Variants in PRUNE2 observed in about 807,000 individuals in gnomAD.
PRUNE2 encodes protein prune homolog 2.
Under a neutral mutation model 252.0 loss-of-function variants are expected in PRUNE2, and 164 were observed. The ratio of observed to expected loss-of-function variants is 0.65; its 90% CI spans 0.57 to 0.74. The LOEUF is 0.74. Ranked by LOEUF, PRUNE2 falls within the 30% of genes least tolerant of loss-of-function variation. The pLI is 0.00. For missense variants in PRUNE2, 3,495 were observed against 3,711.0 expected, an observed-to-expected ratio of 0.94 and a Z score of 1.51; for synonymous variants, 1,292 against 1,350.2, an observed-to-expected ratio of 0.96 and a Z score of 0.94.
Position 76,879,878 on chromosome 9 carries a change from CATATAT to C in PRUNE2, c.37-25676_37-25671del, listed in dbSNP as rs1391636538. On this transcript the variant is annotated intron_variant, in intron 1 of 18. Transcript: ENST00000376718. The stretch of plus-strand genomic sequence containing the variant: ...TCAGTTCTGTAAGAAAGAGGCCTGT[CATATAT>C]ATATATATATATATATATATTTTTT... Among the ~76,000 whole-genome samples the C allele has an allele frequency of 4.7e-3, 354 of 75,372 alleles. 10 individuals are homozygous for C. The highest frequency in any genetic ancestry group is 0.022 in the African/African-American group (318 of 14,790). The allele number at this position is 75,372 out of a possible 152,430, so 49.4% of individuals were successfully genotyped here. A position where few individuals can be genotyped will look rare whatever the true frequency, so the allele number is the denominator to read the frequency against.
At chr9:76,760,901 C>T (rs927333800) in intron 6 of PRUNE2, among the ~76,000 whole-genome samples, 1 of 152,136 alleles carries the variant, frequency 6.6e-6, no homozygotes, top group South Asian at 2.1e-4. Context: ...GCCTGGCCAA[C>T]ACTGCGAAAC....
chr9:76,644,200 C>A (rs1843786855), intron 12 of PRUNE2, among the ~76,000 whole-genome samples: 1 of 152,110 alleles, frequency 6.6e-6, no homozygotes, highest in South Asian at 2.1e-4. Context: ...GAGGCTTTGA[C>A]TGGGGTTGGC....
chr9:76,669,306 G>A (rs2040841221), intron 9 of PRUNE2, among the ~76,000 whole-genome samples: 1 of 118,694 alleles, frequency 8.4e-6, no homozygotes, highest in South Asian at 3.3e-4. Flanking sequence ...TCTCAAGAAT[G>A]TTCTTTTCTT....
intron 6 of PRUNE2, among the ~76,000 whole-genome samples, chr9:76,819,737 AAAG>A (rs1304895069): frequency 6.6e-6 from 1 of 152,214 alleles, no homozygotes; most frequent in Non-Finnish European, 1.5e-5. Context: ...GGAGATGCTT[AAAG>A]AAGATGTAAT....
intron 6 of PRUNE2, among the ~76,000 whole-genome samples, chr9:76,779,486 C>T (rs112363972): frequency 0.013 from 1,973 of 152,294 alleles, 20 homozygotes; most frequent in Middle Eastern, 0.031. Flanking sequence ...TGGCTGTCAA[C>T]ATCTAGTCAC....
At chr9:76,729,965 T>C (rs1051710111) in intron 6 of PRUNE2, among the ~76,000 whole-genome samples, 3 of 152,252 alleles carry the variant, frequency 2.0e-5, no homozygotes, top group Non-Finnish European at 4.4e-5. Flanking sequence ...TTATCCTAAT[T>C]TGAGACCATA....
chr9:76,828,746 C>T (rs13287873), intron 4 of PRUNE2, among the ~76,000 whole-genome samples: 75,496 of 151,884 alleles, frequency 0.5, 18,875 homozygotes, highest in African/African-American at 0.54. Context: ...CCGGGCGCAG[C>T]GGCTCATGCC....
chr9:76,723,804 ATCTT>A (rs1564154806), intron 6 of PRUNE2, among the ~76,000 whole-genome samples: 2 of 145,274 alleles, frequency 1.4e-5, no homozygotes, highest in South Asian at 4.3e-4. Context: ...CTATAAGCAT[ATCTT>A]TCTTTTTTTT....
Position 76,611,836 on chromosome 9 carries a change from C to T in PRUNE2, c.*2734G>A, listed in dbSNP as rs1489389255. Reference sequence around the variant, plus strand: ...TTGACACTATCTTCTGTGCAAATTTCTGTTCTTTCTCTTAATCAAGGAGCT... The same window carrying T: ...TTGACACTATCTTCTGTGCAAATTTTTGTTCTTTCTCTTAATCAAGGAGCT... On this transcript the variant is annotated 3_prime_UTR_variant, in exon 19 of 19. Coordinates refer to ENST00000376718, the MANE Select transcript of PRUNE2 (RefSeq NM_015225.3). The T allele has an allele frequency of 6.6e-6, 1 of 152,638 alleles. No homozygotes were observed. The highest frequency in any genetic ancestry group is 6.5e-5 in the Admixed American group (1 of 15,276). 9.5% of individuals were successfully genotyped at this position (152,638 alleles called of 1,614,324 possible).
intron 18 of PRUNE2, among the ~76,000 whole-genome samples, chr9:76,619,027 A>C (rs1252774697): frequency 6.6e-6 from 1 of 152,248 alleles, no homozygotes; most frequent in Non-Finnish European, 1.5e-5. Context: ...GATGTCATTC[A>C]GAAAGCAGAA....
At chr9:76,779,405 T>C (rs182172463) in intron 6 of PRUNE2, among the ~76,000 whole-genome samples, 58 of 152,298 alleles carry the variant, frequency 3.8e-4, no homozygotes, top group African/African-American at 1.4e-3. Flanking sequence ...TTTTGAAACA[T>C]ATCAAAGCTC....
intron 9 of PRUNE2, among the ~76,000 whole-genome samples, chr9:76,701,254 C>T (rs921969257): frequency 2.6e-5 from 4 of 152,190 alleles, no homozygotes; most frequent in African/African-American, 9.7e-5. Flanking sequence ...ACTCTTTATT[C>T]TCCCAAAATC....
At chr9:76,636,308 C>T (rs945097150) in intron 15 of PRUNE2, among the ~76,000 whole-genome samples, 163 bp downstream of exon 15, 1 of 152,104 alleles carries the variant, frequency 6.6e-6, no homozygotes, top group African/African-American at 2.4e-5. Flanking sequence ...TCTCTTAATT[C>T]GGGATTCTTG....
intron 6 of PRUNE2, among the ~76,000 whole-genome samples, chr9:76,732,362 T>C (rs902477482): frequency 2.6e-5 from 4 of 152,128 alleles, no homozygotes; most frequent in Non-Finnish European, 4.4e-5. Flanking sequence ...TTAAGATACA[T>C]TCTTTGGGGA....
chr9:76,873,249 T>C (rs558897657), intron 1 of PRUNE2, among the ~76,000 whole-genome samples: 2 of 152,328 alleles, frequency 1.3e-5, no homozygotes, highest in South Asian at 4.1e-4. Flanking sequence ...CCTAGAAAAC[T>C]AGTACACTAA....
rs1382937531 is a variant in PRUNE2 at position 76,624,457 on chromosome 9, T to G, written c.9183A>C (p.Ala3061=). 1 of 1,427,830 alleles carries G rather than the reference T, an allele frequency of 7.0e-7. No individual in the cohort carries two copies. Among genetic ancestry groups the G allele is most frequent in the Non-Finnish European group, 9.2e-7 (1 of 1,085,564 alleles). The allele number at this position is 1,427,830 out of a possible 1,614,324, so 88.4% of individuals were successfully genotyped here. The part of the protein sequence containing the change: ...LDEELREASE[A]AKTSCLYNDP... Reference sequence around the variant, plus strand: ...AAACGAAAACCAAGTCTTACTTAGCTGCCTCTGATGCTTCCCTCAGTTCTT... The same window carrying G: ...AAACGAAAACCAAGTCTTACTTAGCGGCCTCTGATGCTTCCCTCAGTTCTT... Residue 3061 remains alanine (A), a synonymous_variant, in exon 17 of 19, where the codon GCA becomes GCC. Coordinates refer to ENST00000376718, the MANE Select transcript of PRUNE2 (RefSeq NM_015225.3).
rs60768420 is a variant in PRUNE2 at position 76,807,051 on chromosome 9, T to TGTGTGTGTGCGCGC, written c.756+16580_756+16581insGCGCGCACACACAC. On this transcript the variant is annotated intron_variant, in intron 6 of 18. Transcript: ENST00000376718. ...GTGTGTGTGTGTGTGTGTGTGTGTG[T>TGTGTGTGTGCGCGC]GCGCGCGCGCGTGTGTCTGTCTCTC... Among the ~76,000 whole-genome samples the TGTGTGTGTGCGCGC allele has an allele frequency of 5.0e-3, 697 of 139,438 alleles. 4 individuals carry two copies. The highest frequency in any genetic ancestry group is 6.9e-3 in the Admixed American group (98 of 14,162). The allele number at this position is 139,438 out of a possible 152,430, so 91.5% of individuals were successfully genotyped here. A position where few individuals can be genotyped will look rare whatever the true frequency, so the allele number is the denominator to read the frequency against.
chr9:76,732,828 T>C (rs1470522250), intron 6 of PRUNE2, among the ~76,000 whole-genome samples: 1 of 152,210 alleles, frequency 6.6e-6, no homozygotes. Flanking sequence ...GAAGATTTCA[T>C]GTCTGTATGT....
intron 12 of PRUNE2, chr9:76,644,418 C>A (rs1843898426): frequency 2.5e-6 from 1 of 394,440 alleles, no homozygotes. Context: ...TTCAACCGTA[C>A]AATGGACTGA....
Sources: allele counts gnomAD v4.1 joint callset (sites outside exome capture counted in the v4.1 genomes callset), GRCh38; gene constraint gnomAD v4.1.1; transcripts MANE v1.5; gene names NCBI Gene and HGNC (gene_info 2026-07-23, HGNC 2026-07-21).